Variants in PALD1 observed in about 807,000 individuals in gnomAD.
PALD1 encodes phosphatase domain containing paladin 1.
A neutral mutation model predicts 96.0 loss-of-function variants in PALD1; 57 were observed. The ratio of observed to expected loss-of-function variants is 0.59; its 90% confidence interval spans 0.48 to 0.74. The LOEUF (loss-of-function observed/expected upper bound fraction) is 0.74. Among genes scored for constraint, PALD1 ranks in the 30% least tolerant of loss-of-function variants. PALD1 has a pLI of 0.00. For missense variants in PALD1, 1,063 were observed against 1,143.7 expected, an observed-to-expected ratio of 0.93 and a Z score of 1.02; for synonymous variants, 464 against 473.6, an observed-to-expected ratio of 0.98 and a Z score of 0.26.
intron 1 of PALD1, among the ~76,000 whole-genome samples, chr10:70,479,930 A>C (rs916748475): frequency 1.3e-4 from 20 of 152,214 alleles, no homozygotes; most frequent in Non-Finnish European, 2.5e-4. Context: ...ACAGGACATA[A>C]ACACACAAAG....
At chr10:70,475,822 G>A (rs1397275686), upstream of PALD1, among the ~76,000 whole-genome samples, 2 of 152,326 alleles carry the variant, frequency 1.3e-5, no homozygotes, top group East Asian at 3.9e-4. Context: ...GGCCACAGGC[G>A]AGTCTGTCGG....
At chr10:70,500,216 G>A (rs926053562) in intron 1 of PALD1, among the ~76,000 whole-genome samples, 12 of 152,110 alleles carry the variant, frequency 7.9e-5, no homozygotes, top group Non-Finnish European at 1.8e-4. Context: ...CTTAGTTTGG[G>A]GTTGGTGGGG....
At chr10:70,520,275 G>A (rs569469150) in intron 1 of PALD1, among the ~76,000 whole-genome samples, 1 of 151,340 alleles carries the variant, frequency 6.6e-6, no homozygotes, top group Admixed American at 6.5e-5. Context: ...ATGCTGGGAG[G>A]TTGTGGCTGC....
the PALD1 span, among the ~76,000 whole-genome samples, chr10:70,462,175 T>C: frequency 1.3e-5 from 2 of 152,230 alleles, no homozygotes; most frequent in African/African-American, 4.8e-5. Context: ...CCTGTCTCTT[T>C]TTCCTTGCTT....
chr10:70,519,573 C>CTTTT (rs1192092171), intron 1 of PALD1, among the ~76,000 whole-genome samples: 75 of 133,646 alleles, frequency 5.6e-4, no homozygotes, highest in African/African-American at 1.0e-3. Context: ...TTCTTTCTTT[C>CTTTT]TTTTTTTTTT....
the PALD1 span, among the ~76,000 whole-genome samples, chr10:70,470,452 G>A: frequency 5.3e-5 from 8 of 151,904 alleles, no homozygotes; most frequent in South Asian, 1.7e-3. Flanking sequence ...TTAGGACTAA[G>A]TCCTCTTTTC....
intron 1 of PALD1, among the ~76,000 whole-genome samples, chr10:70,499,440 A>G (rs1311343717): frequency 6.6e-6 from 1 of 152,108 alleles, no homozygotes; most frequent in Non-Finnish European, 1.5e-5. Flanking sequence ...GTCTGCAGGG[A>G]GGTGGGCCTC....
the PALD1 span, among the ~76,000 whole-genome samples, chr10:70,472,315 C>T: frequency 6.6e-6 from 1 of 152,140 alleles, no homozygotes; most frequent in Non-Finnish European, 1.5e-5. Context: ...GGCTGGAGTG[C>T]AATGACGCGA....
At chr10:70,495,842 C>T (rs893439267) in intron 1 of PALD1, among the ~76,000 whole-genome samples, 5 of 86,714 alleles carry the variant, frequency 5.8e-5, no homozygotes, top group African/African-American at 1.8e-4. Context: ...CTTGTCTCTA[C>T]AAAAAAAAAA....
At chr10:70,533,804 C>T in intron 7 of PALD1, 118 bp from the exon 8 acceptor site, 2 of 919,784 alleles carry the variant, frequency 2.2e-6, no homozygotes, top group Non-Finnish European at 3.1e-6. Flanking sequence ...CCTATTGGAG[C>T]CCACTTTGCT....
At chr10:70,559,235 G>A (rs993727043) in intron 18 of PALD1, among the ~76,000 whole-genome samples, 1 of 152,132 alleles carries the variant, frequency 6.6e-6, no homozygotes, top group Non-Finnish European at 1.5e-5. Flanking sequence ...AGGAGGAGCT[G>A]TGCTGGCATC....
chr10:70,555,723 C>A (rs894429507), intron 18 of PALD1, among the ~76,000 whole-genome samples: 1 of 152,198 alleles, frequency 6.6e-6, no homozygotes, highest in African/African-American at 2.4e-5. Context: ...GGCTGTTGGC[C>A]GGGCGCAGTG....
chr10:70,473,748 C>A, the PALD1 span, among the ~76,000 whole-genome samples: 174 of 152,126 alleles, frequency 1.1e-3, no homozygotes, highest in Non-Finnish European at 2.0e-3. Flanking sequence ...CAGTTTCAAG[C>A]GATGCTCGTG....
At chr10:70,500,446 T>G (rs1398017705) in intron 1 of PALD1, among the ~76,000 whole-genome samples, 4 of 152,186 alleles carry the variant, frequency 2.6e-5, no homozygotes, top group Non-Finnish European at 5.9e-5. Context: ...CACCTCATCC[T>G]ATATTCTGGC....
rs762971348 is a variant in PALD1 at position 70,529,275 on chromosome 10, G to T, written c.232G>T (p.Ala78Ser). The T allele has an allele frequency of 3.2e-6, 5 of 1,544,860 alleles. No homozygotes were observed. The African/African-American group carries it at 4.4e-5, about 14-fold the overall frequency. The change falls in exon 3 of 20, where the codon GCT (alanine) becomes TCT (serine). Residue 78 changes from alanine to serine, a missense_variant. Ala to Ser is a moderately conservative substitution (Grantham distance 99). Transcript: ENST00000263563. Reference protein sequence around the residue: ...EFQIHDELLKAHYTLGRLSDN... With the variant: ...EFQIHDELLKSHYTLGRLSDN... ...CCAGATCCATGATGAGCTGCTCAAG[G>T]CTCATTACACGTTGGGCCGGCTCTC...
chr10:70,495,785 A>G (rs1033243174), intron 1 of PALD1, among the ~76,000 whole-genome samples: 2 of 151,354 alleles, frequency 1.3e-5, no homozygotes, highest in Non-Finnish European at 2.9e-5. Flanking sequence ...CAGGAGGATC[A>G]CTGAGGCCAA....
chr10:70,480,684 G>A (rs930731570), intron 1 of PALD1, among the ~76,000 whole-genome samples: 1 of 152,252 alleles, frequency 6.6e-6, no homozygotes, highest in Admixed American at 6.5e-5. Flanking sequence ...GTGCAGTTCT[G>A]GGAGTGGGAG....
chr10:70,541,279 C>A, intron 16 of PALD1, 37 bp downstream of exon 16: 1 of 1,581,716 alleles, frequency 6.3e-7, no homozygotes, highest in Non-Finnish European at 8.6e-7. Context: ...AGAGATTTGC[C>A]TGGAGGAGGG....
the PALD1 span, among the ~76,000 whole-genome samples, chr10:70,471,862 G>C: frequency 6.6e-6 from 1 of 152,316 alleles, no homozygotes; most frequent in South Asian, 2.1e-4. Flanking sequence ...TGGTGGTCTG[G>C]CTGGGATAAC....
Sources: allele counts gnomAD v4.1 joint callset (sites outside exome capture counted in the v4.1 genomes callset), GRCh38; gene constraint gnomAD v4.1.1; transcripts MANE v1.5; gene names NCBI Gene and HGNC (gene_info 2026-07-23, HGNC 2026-07-21).